Variants in KIFC2 observed in about 807,000 individuals in gnomAD.
KIFC2 encodes kinesin family member C2.
A neutral mutation model predicts 91.5 loss-of-function variants in KIFC2; 94 were observed. The ratio of observed to expected loss-of-function variants is 1.03; its 90% CI spans 0.87 to 1.22. KIFC2 has a LOEUF of 1.22. Ranked by LOEUF, KIFC2 falls within the 50% of genes most tolerant of loss-of-function variation. The pLI is 0.00. For synonymous variants in KIFC2, 729 were observed against 503.9 expected, an observed-to-expected ratio of 1.45 and a Z score of -5.98; for missense variants, 1,357 against 1,103.3, an observed-to-expected ratio of 1.23 and a Z score of -3.26.
intron 12 of KIFC2, 90 bp downstream of exon 12, chr8:144,469,737 T>C: frequency 6.9e-7 from 1 of 1,449,256 alleles, no homozygotes; most frequent in Non-Finnish European, 9.2e-7. Context: ...CCAGTCTGGG[T>C]GTCCACCTGG....
Position 144,473,353 on chromosome 8 carries a change from C to A in KIFC2, c.2340C>A (p.Gly780=). The A allele has an allele frequency of 6.3e-7, 1 of 1,582,714 alleles. No individual in the cohort carries two copies. The change falls in exon 18 of 18, where the codon GGC becomes GGA. Residue 780 remains glycine (G), a synonymous_variant. Coordinates refer to ENST00000645548, the MANE Select transcript of KIFC2 (RefSeq NM_001369769.2). ...PPCPSPDNGS[G]SALAPAEGLP... ...GCCCCAGTCCCGACAACGGCTCGGGCTCGGCTCTCGCGCCCGCAGAGGGCC... is the reference window on the plus strand; with the variant it reads ...GCCCCAGTCCCGACAACGGCTCGGGATCGGCTCTCGCGCCCGCAGAGGGCC...
Position 144,469,266 on chromosome 8 carries a change from C to T in KIFC2, c.1114-5C>T, listed in dbSNP as rs749928149. 6.3e-7 allele frequency: 1 copy of T among 1,586,756 alleles called. No homozygotes were observed. The highest frequency in any genetic ancestry group is 8.6e-7 in the Non-Finnish European group (1 of 1,168,486). ...CTTGCCTTCTGTACATCCCTGTTCC[C>T]TCAGGTGTCCTGGGCCTTGGGGGCA... On this transcript the variant is annotated splice_region_variant and splice_polypyrimidine_tract_variant and intron_variant, in intron 10 of 17. Transcript: ENST00000645548.
chr8:144,467,959 GC>G lies in KIFC2; in HGVS notation c.786del (p.Ile266SerfsTer12). On this transcript the variant is annotated frameshift_variant, in exon 7 of 18. Coordinates refer to ENST00000645548, the MANE Select transcript of KIFC2 (RefSeq NM_001369769.2). LOFTEE classifies it high-confidence loss of function. Reference protein sequence around the residue: ...SLMRDLLLHWGPGPPIRAPQE... With the variant: ...SLMRDLLLHWXPGPPIRAPQE... ...ATGCGGGACCTCCTGCTGCACTGGG[GC>G]CCCGGGCCCCCCATCAGGGCTCCGC... 1 of 1,587,778 alleles carries G rather than the reference GC, an allele frequency of 6.3e-7. No homozygotes were observed. Among genetic ancestry groups the G allele is most frequent in the Non-Finnish European group, 8.5e-7 (1 of 1,171,474 alleles).
intron 10 of KIFC2, 141 bp downstream of exon 10, chr8:144,468,975 A>G (rs762371250): frequency 2.2e-5 from 15 of 686,238 alleles, no homozygotes; most frequent in Non-Finnish European, 3.5e-5. Flanking sequence ...CCAGGGTGGG[A>G]TTCCACTTCT....
intron 7 of KIFC2, 22 bp from the exon 8 acceptor site, chr8:144,468,307 C>T (rs747967650): frequency 4.4e-6 from 7 of 1,596,580 alleles, no homozygotes; most frequent in Non-Finnish European, 6.0e-6. Flanking sequence ...CTGAGTCCCT[C>T]CTGGCCCCCA....
At position 144,468,348 on chromosome 8, in the gene KIFC2, T is replaced by C. The variant is rs758104955; in HGVS notation, c.830T>C (p.Leu277Pro). The change falls in exon 8 of 18, where the codon CTA becomes CCA. Residue 277 changes from leucine (L) to proline (P), a missense_variant. Transcript: ENST00000645548. ...CCGCAGGAGGAGGCAGAGGCATTGC[T>C]AGAGCTCCAGGGCCGGCTTCAGGAG... ...RAPQEEAEALLELQGRLQEAQ... is the reference protein window; with the variant it reads ...RAPQEEAEALPELQGRLQEAQ... The C allele has an allele frequency of 3.1e-6, 5 of 1,612,320 alleles. No individual in the cohort carries two copies. In the African/African-American group the frequency reaches 6.7e-5, roughly 22 times the overall value.
chr8:144,470,824 G>C (rs1050316895), intron 12 of KIFC2: 4 of 152,262 alleles, frequency 2.6e-5, no homozygotes, highest in African/African-American at 7.2e-5. Flanking sequence ...CCCTCTAGGT[G>C]CACTGCCACA....
chr8:144,470,297 C>T (rs909267971), intron 12 of KIFC2, among the ~76,000 whole-genome samples: 10 of 152,248 alleles, frequency 6.6e-5, no homozygotes, highest in African/African-American at 2.4e-4. Flanking sequence ...CTTCCTTCAT[C>T]CCACACATCC....
Position 144,472,884 on chromosome 8 carries a change from C to G in KIFC2, c.1951C>G (p.Arg651Gly). Residue 651 changes from arginine (R) to glycine (G), a missense_variant, in exon 17 of 18, where the codon CGG (arginine) becomes GGG (glycine). Physicochemically the swap from Arg to Gly is moderately radical, Grantham distance 125. Transcript: ENST00000645548. The stretch of plus-strand genomic sequence containing the variant: ...GCCGCGGGGAGACCCAGACGGCGCC[C>G]GGCGCCTGCGGGAGGCCCAGACCAT... ...GPPRGDPDGA[R>G]RLREAQTINR... 6.6e-7 allele frequency: 1 copy of G among 1,521,710 alleles called. No individual in the cohort carries two copies. The highest frequency in any genetic ancestry group is 8.7e-7 in the Non-Finnish European group (1 of 1,149,264). 94.3% of individuals were successfully genotyped at this position (1,521,710 alleles called of 1,614,324 possible). A position where few individuals can be genotyped will look rare whatever the true frequency, so the allele number is the denominator to read the frequency against.
Position 144,473,119 on chromosome 8 carries a change from C to G in KIFC2, c.2119-13C>G. 1 of 1,551,626 alleles carries G rather than the reference C, an allele frequency of 6.4e-7. No individual in the cohort carries two copies. Among genetic ancestry groups the G allele is most frequent in the Non-Finnish European group, 8.7e-7 (1 of 1,148,682 alleles). Reference sequence around the variant, plus strand: ...CCCACCCGGGCCCGCCCACCCGCGCCTCTTGCCCGCAGATCTCCACGCGGC... The same window carrying G: ...CCCACCCGGGCCCGCCCACCCGCGCGTCTTGCCCGCAGATCTCCACGCGGC... On this transcript the variant is annotated splice_polypyrimidine_tract_variant and intron_variant, in intron 17 of 17. Coordinates refer to ENST00000645548, the MANE Select transcript of KIFC2 (RefSeq NM_001369769.2).
intron 12 of KIFC2, among the ~76,000 whole-genome samples, chr8:144,471,218 C>T (rs1824910788): frequency 6.6e-6 from 1 of 152,124 alleles, no homozygotes; most frequent in Non-Finnish European, 1.5e-5. Flanking sequence ...CTGCCTTGGC[C>T]TCCCAAAGTG....
intron 7 of KIFC2, 88 bp from the exon 8 acceptor site, chr8:144,468,241 C>T (rs1440332576): frequency 8.8e-6 from 11 of 1,251,832 alleles, no homozygotes; most frequent in Non-Finnish European, 1.0e-5. Flanking sequence ...GCCAGCTCTG[C>T]CCACCTCTTG....
rs1314162044 is a variant in KIFC2 at position 144,466,342 on chromosome 8, T to G, written c.-78T>G. ...CCGTCGCGAGCATGCGCACCGGCACTGCGGCGGGCGGGCGCCGAGTCTGGG... is the reference window on the plus strand; with the variant it reads ...CCGTCGCGAGCATGCGCACCGGCACGGCGGCGGGCGGGCGCCGAGTCTGGG... On this transcript the variant is annotated 5_prime_UTR_variant, in exon 1 of 18. Coordinates refer to ENST00000645548, the MANE Select transcript of KIFC2 (RefSeq NM_001369769.2). 2 of 484,160 alleles carry G rather than the reference T, an allele frequency of 4.1e-6. No individual in the cohort carries two copies. Among genetic ancestry groups the G allele is most frequent in the Non-Finnish European group, 5.9e-6 (2 of 340,996 alleles). The allele number at this position is 484,160 out of a possible 1,614,324, so 30.0% of individuals were successfully genotyped here.
rs1452965529 is a variant in KIFC2 at position 144,466,832 on chromosome 8, C to T, written c.172C>T (p.Leu58=). ...APELWTELTG[L]AASSEPEDGS... ...AGAGCTGTGGACCGAGCTGACCGGC[C>T]TGGCCGGTAGGTGCGGGCTGGGAGT... The change falls in exon 2 of 18, where the codon CTG becomes TTG. Residue 58 remains leucine, a synonymous_variant. Transcript: ENST00000645548. 2 of 1,537,184 alleles carry T rather than the reference C, an allele frequency of 1.3e-6. No individual in the cohort carries two copies. The highest frequency in any genetic ancestry group is 1.9e-5 in the Admixed American group (1 of 51,494).
intron 10 of KIFC2, 39 bp downstream of exon 10, chr8:144,468,873 A>G (rs1554885323): frequency 6.5e-7 from 1 of 1,543,182 alleles, no homozygotes; most frequent in Non-Finnish European, 9.0e-7. Context: ...CTCTCTGGGC[A>G]GCCTATTCAC....
Position 144,467,032 on chromosome 8 carries a change from C to T in KIFC2, c.252C>T (p.Ala84=), listed in dbSNP as rs565074636. The T allele has an allele frequency of 1.5e-5, 24 of 1,593,990 alleles. No homozygotes were observed. The East Asian group carries it at 4.3e-4, about 28-fold the overall frequency. The change falls in exon 3 of 18, where the codon GCC becomes GCT. Residue 84 remains alanine (A), a synonymous_variant. Coordinates refer to ENST00000645548, the MANE Select transcript of KIFC2 (RefSeq NM_001369769.2). ...GRAAAVSLEE[A]LLRLAEFLSV... Reference sequence around the variant, plus strand: ...CGGCCGCGGTGTCCCTGGAAGAGGCCCTACTGCGCCTCGCCGAGTTCCTCT... The same window carrying T: ...CGGCCGCGGTGTCCCTGGAAGAGGCTCTACTGCGCCTCGCCGAGTTCCTCT...
chr8:144,467,040 G>C lies in KIFC2; in HGVS notation c.260G>C (p.Arg87Pro). The change falls in exon 3 of 18, where the codon CGC becomes CCC. Residue 87 changes from arginine to proline, a missense_variant. By Grantham distance (103) the Arg-to-Pro change is moderately radical. Coordinates refer to ENST00000645548, the MANE Select transcript of KIFC2 (RefSeq NM_001369769.2). ...AAVSLEEALL[R>P]LAEFLSVQLG... ...GTGTCCCTGGAAGAGGCCCTACTGC[G>C]CCTCGCCGAGTTCCTCTCCGTCCAG... The C allele has an allele frequency of 1.3e-6, 2 of 1,593,394 alleles. No homozygotes were observed. The highest frequency in any genetic ancestry group is 1.7e-6 in the Non-Finnish European group (2 of 1,171,336).
At chr8:144,469,449 AG>A (rs1324761769) in intron 11 of KIFC2, 40 bp from the exon 12 acceptor site, 1 of 1,613,382 alleles carries the variant, frequency 6.2e-7, no homozygotes, top group Non-Finnish European at 8.5e-7. Context: ...TCTGTGCTTT[AG>A]GGTCTGCGAG....
Position 144,472,488 on chromosome 8 carries a change from G to A in KIFC2, c.1731+4G>A, listed in dbSNP as rs775165922. On this transcript the variant is annotated splice_donor_region_variant and intron_variant, in intron 15 of 17. Coordinates refer to ENST00000645548, the MANE Select transcript of KIFC2 (RefSeq NM_001369769.2). ...CAACCTGGAGACATTGCACCAGGTA[G>A]GGCTGCACCGCTCTCCGAGACCCCG... 6.2e-7 allele frequency: 1 copy of A among 1,611,578 alleles called. No individual in the cohort carries two copies. The highest frequency in any genetic ancestry group is 8.5e-7 in the Non-Finnish European group (1 of 1,179,260).
Sources: gnomAD v4.1 joint callset for allele counts (sites outside exome capture counted in the v4.1 genomes callset) on GRCh38, gnomAD v4.1.1 for gene constraint, MANE v1.5 for transcripts, NCBI Gene and HGNC (gene_info 2026-07-23, HGNC 2026-07-21) for gene names.